ZNF343: variants seen among roughly 807,000 people sequenced by gnomAD.
ZNF343 encodes zinc finger protein 343.
A neutral mutation model predicts 13.8 loss-of-function variants in ZNF343; 11 were observed. That is an observed-to-expected ratio of 0.80 (90% CI 0.50 to 1.32). The LOEUF (loss-of-function observed/expected upper bound fraction) is 1.32, where lower values mean the gene tolerates loss of function less well. Ranked by LOEUF, ZNF343 falls within the 40% of genes most tolerant of loss-of-function variation. The pLI is 0.00. For synonymous variants in ZNF343, 248 were observed against 260.0 expected (o/e 0.95, Z 0.44); for missense variants, 658 against 714.2 (o/e 0.92, Z 0.90).
At chr20:2,493,634 C>G in intron 3 of ZNF343, 57 bp from the exon 4 acceptor site, 2 of 966,002 alleles carry the variant, frequency 2.1e-6, no homozygotes, top group Non-Finnish European at 2.9e-6. Flanking sequence ...CCACCCCCCA[C>G]CATGACGCTC....
Position 2,483,026 on chromosome 20 carries a change from C to T in ZNF343, c.*135G>A, listed in dbSNP as rs2085192389. 1 of 1,083,160 alleles carries T rather than the reference C, an allele frequency of 9.2e-7. No individual in the cohort carries two copies. Among genetic ancestry groups the T allele is most frequent in the Non-Finnish European group, 1.3e-6 (1 of 765,400 alleles). The allele number at this position is 1,083,160 out of a possible 1,614,324, so 67.1% of individuals were successfully genotyped here. A position where few individuals can be genotyped will look rare whatever the true frequency, so the allele number is the denominator to read the frequency against. On this transcript the variant is annotated 3_prime_UTR_variant, in exon 6 of 6. Coordinates refer to ENST00000278772, the MANE Select transcript of ZNF343 (RefSeq NM_024325.6). ...GTGTCCCTCCCATGCCTGATAAGGGCTGACACATCTCTGGAACTTCACTCA... is the reference window on the plus strand; with the variant it reads ...GTGTCCCTCCCATGCCTGATAAGGGTTGACACATCTCTGGAACTTCACTCA...
At chr20:2,488,484 C>A (rs1175313258) in intron 5 of ZNF343, among the ~76,000 whole-genome samples, 1 of 152,024 alleles carries the variant, frequency 6.6e-6, no homozygotes, top group East Asian at 1.9e-4. Flanking sequence ...AGTCATGGGC[C>A]AGCACCACAA....
intron 5 of ZNF343, among the ~76,000 whole-genome samples, chr20:2,491,153 G>C (rs1289857632): frequency 6.6e-6 from 1 of 152,112 alleles, no homozygotes; most frequent in Non-Finnish European, 1.5e-5. Flanking sequence ...GGAATATCTA[G>C]AACAGTACTA....
At chr20:2,489,871 G>C (rs1032746933) in intron 5 of ZNF343, among the ~76,000 whole-genome samples, 8 of 152,066 alleles carry the variant, frequency 5.3e-5, no homozygotes, top group Non-Finnish European at 1.2e-4. Flanking sequence ...AAAGAGACTC[G>C]GGCCGGGCTA....
chr20:2,493,619 A>AC, intron 3 of ZNF343, 42 bp from the exon 4 acceptor site: 1 of 668,654 alleles, frequency 1.5e-6, no homozygotes, highest in Non-Finnish European at 2.2e-6. Flanking sequence ...AGACCCCCCC[A>AC]CCCCCCACCC....
rs141593520 is a variant in ZNF343, at chr20:2,483,504, G to A, written c.1457C>T (p.Thr486Ile). Residue 486 changes from threonine to isoleucine, a missense_variant, in exon 6 of 6, where the codon ACA becomes ATA. By Grantham distance (89) the Thr-to-Ile change is moderately conservative. Coordinates refer to ENST00000278772, the MANE Select transcript of ZNF343 (RefSeq NM_024325.6). Reference sequence around the variant, plus strand: ...GACATAATGCTTCTCCCCTGAGTGTGTCCTCTGGTGGACAAGGAGGAGTGA... The same window carrying A: ...GACATAATGCTTCTCCCCTGAGTGTATCCTCTGGTGGACAAGGAGGAGTGA... ...RKSLLLVHQR[T>I]HSGEKHYVCR... The A allele has an allele frequency of 3.1e-4, 500 of 1,605,642 alleles. 3 individuals carry two copies. In the African/African-American group the frequency reaches 5.9e-3, roughly 19 times the overall value.
intron 2 of ZNF343, among the ~76,000 whole-genome samples, chr20:2,499,754 G>A (rs1050933495): frequency 1.3e-5 from 2 of 152,170 alleles, no homozygotes; most frequent in Non-Finnish European, 2.9e-5. Flanking sequence ...CTGGTGACCA[G>A]GGATGGAGAC....
intron 5 of ZNF343, among the ~76,000 whole-genome samples, chr20:2,489,802 A>G (rs1215790459): frequency 3.3e-5 from 5 of 152,166 alleles, no homozygotes; most frequent in African/African-American, 1.2e-4. Flanking sequence ...TTGGCCCATT[A>G]TTTCTAACAA....
In ZNF343 at chr20:2,482,835, CCT is replaced by C. The variant is rs1403439496; in HGVS notation, c.*324_*325del. The stretch of plus-strand genomic sequence containing the variant: ...CACTCCCCAGACAAGGGTGCTTTCC[CCT>C]GAGGCTGTCATTGGATGTCTGGTAA... On this transcript the variant is annotated 3_prime_UTR_variant, in exon 6 of 6. Coordinates refer to ENST00000278772, the MANE Select transcript of ZNF343 (RefSeq NM_024325.6). 3.4e-6 allele frequency: 1 copy of C among 298,464 alleles called. No individual in the cohort carries two copies. The highest frequency in any genetic ancestry group is 6.2e-6 in the Non-Finnish European group (1 of 160,236). The allele number at this position is 298,464 out of a possible 1,614,324, so 18.5% of individuals were successfully genotyped here.
In ZNF343 at chr20:2,493,508, C is replaced by G. The variant is rs773728731; in HGVS notation, c.177+11G>C. The G allele has an allele frequency of 1.2e-5, 19 of 1,611,868 alleles. No individual in the cohort carries two copies. The highest frequency in any genetic ancestry group is 8.0e-5 in the African/African-American group (6 of 74,738). ...ACTTCAGGAAAAAAAAAAAATGTAA[C>G]CCCAACTCACCACTATTTGGGCCTT... On this transcript the variant is annotated intron_variant, in intron 4 of 5. Coordinates refer to ENST00000278772, the MANE Select transcript of ZNF343 (RefSeq NM_024325.6).
chr20:2,484,079 C>T lies in ZNF343; in HGVS notation c.882G>A (p.Glu294=), dbSNP rs913018766. 2 of 1,614,142 alleles carry T rather than the reference C, an allele frequency of 1.2e-6. No individual in the cohort carries two copies. Among genetic ancestry groups the T allele is most frequent in the African/African-American group, 2.7e-5 (2 of 74,946 alleles). ...CGCACTCACTGCACACATAAGGCTT[C>T]TCCATCGAGTGTATACGATGGTGTC... ...LIRHHRIHSM[E]KPYVCSECGR... Residue 294 remains glutamate, a synonymous_variant, in exon 6 of 6, where the codon GAG becomes GAA. Transcript: ENST00000278772.
chr20:2,503,775 C>T (rs1290034947), intron 1 of ZNF343, among the ~76,000 whole-genome samples: 1 of 152,022 alleles, frequency 6.6e-6, no homozygotes, highest in Non-Finnish European at 1.5e-5. Context: ...AACAAAGACA[C>T]AACATAACAG....
intron 1 of ZNF343, among the ~76,000 whole-genome samples, chr20:2,502,544 G>C (rs1480190900): frequency 6.6e-6 from 1 of 152,118 alleles, no homozygotes; most frequent in Non-Finnish European, 1.5e-5. Context: ...AGGAAAAAAT[G>C]TTAAGGGCAG....
At chr20:2,519,512 C>CT (rs772060170) in intron 1 of ZNF343, among the ~76,000 whole-genome samples, 21 of 152,220 alleles carry the variant, frequency 1.4e-4, no homozygotes, top group Non-Finnish European at 2.1e-4. Context: ...GCACCATTGG[C>CT]TCCCCTGGGG....
At chr20:2,502,276 GAAAC>G (rs569951250) in intron 1 of ZNF343, among the ~76,000 whole-genome samples, 1 of 152,106 alleles carries the variant, frequency 6.6e-6, no homozygotes, top group Admixed American at 6.5e-5. Flanking sequence ...AGAATAAAAA[GAAAC>G]AAACAAAGCC....
Position 2,483,259 on chromosome 20 carries a change from G to T in ZNF343, c.1702C>A (p.Gln568Lys). ...TGCTTCTCCCCTGAGTGTGTCCTCT[G>T]GTGGACAAGGAGGAGTGATTTCCGG... ...FSRKSLLLVH[Q>K]RTHSGEKHYV... Residue 568 changes from glutamine (Q) to lysine (K), a missense_variant, in exon 6 of 6, where the codon CAG (glutamine) becomes AAG (lysine). Transcript: ENST00000278772. 1 of 1,612,414 alleles carries T rather than the reference G, an allele frequency of 6.2e-7. No individual in the cohort carries two copies. Among genetic ancestry groups the T allele is most frequent in the Non-Finnish European group, 8.5e-7 (1 of 1,179,576 alleles).
upstream of ZNF343, among the ~76,000 whole-genome samples, chr20:2,512,757 T>G (rs1392528291): frequency 6.6e-6 from 1 of 152,076 alleles, no homozygotes; most frequent in East Asian, 1.9e-4. Flanking sequence ...AAATTGTTTC[T>G]TAGATGTGAC....
At chr20:2,489,261 C>A (rs1297718012) in intron 5 of ZNF343, among the ~76,000 whole-genome samples, 1 of 152,138 alleles carries the variant, frequency 6.6e-6, no homozygotes, top group Non-Finnish European at 1.5e-5. Context: ...ATAATGCAAG[C>A]TGGTAATGTG....
At chr20:2,490,155 C>G (rs2085343912) in intron 5 of ZNF343, among the ~76,000 whole-genome samples, 1 of 152,028 alleles carries the variant, frequency 6.6e-6, no homozygotes, top group Non-Finnish European at 1.5e-5. Flanking sequence ...CTTGTGGTTG[C>G]AGGCAAGGAG....
Sources: gnomAD v4.1 joint callset for allele counts (sites outside exome capture counted in the v4.1 genomes callset) on GRCh38, gnomAD v4.1.1 for gene constraint, MANE v1.5 for transcripts, NCBI Gene and HGNC (gene_info 2026-07-23, HGNC 2026-07-21) for gene names.